The following LYPLAL1 variants were observed in gnomAD, a reference collection of about 807,000 sequenced individuals.
LYPLAL1 encodes lysophospholipase like 1.
A neutral mutation model predicts 19.7 loss-of-function variants in LYPLAL1; 23 were observed. That is an observed-to-expected ratio of 1.17 (90% CI 0.84 to 1.65). The LOEUF is 1.65. Among genes scored for constraint, LYPLAL1 ranks in the 40% most tolerant of loss-of-function variants. LYPLAL1 has a pLI of 0.00. For synonymous variants in LYPLAL1, 119 were observed against 96.3 expected (o/e 1.24, Z -1.38); for missense variants, 355 against 279.4 (o/e 1.27, Z -1.93).
At chr1:219,186,201 A>G (rs1335633713) in intron 2 of LYPLAL1, among the ~76,000 whole-genome samples, 2 of 151,710 alleles carry the variant, frequency 1.3e-5, no homozygotes, top group Admixed American at 1.3e-4. Flanking sequence ...TTATTATTAG[A>G]GAAAATATCC....
the LYPLAL1 span, among the ~76,000 whole-genome samples, chr1:219,283,704 A>C: frequency 3.9e-5 from 6 of 152,230 alleles, no homozygotes; most frequent in Non-Finnish European, 7.3e-5. Context: ...GAACCATAGA[A>C]GCATTCAAGT....
At chr1:219,350,135 G>A in the LYPLAL1 span, among the ~76,000 whole-genome samples, 23,727 of 152,132 alleles carry the variant, frequency 0.16, 2,499 homozygotes, top group African/African-American at 0.3. Context: ...TGGATAGAGT[G>A]AAGAATTTTA....
At chr1:219,384,401 T>G in the LYPLAL1 span, among the ~76,000 whole-genome samples, 23 of 152,330 alleles carry the variant, frequency 1.5e-4, no homozygotes, top group East Asian at 4.4e-3. Flanking sequence ...TCCCTCAAAC[T>G]ACATTTGAAT....
the LYPLAL1 span, among the ~76,000 whole-genome samples, chr1:219,303,167 ATAAT>A: frequency 6.6e-6 from 1 of 152,212 alleles, no homozygotes; most frequent in South Asian, 2.1e-4. Flanking sequence ...TGAAATATTA[ATAAT>A]TAATCAATCA....
At chr1:219,239,273 G>A in the LYPLAL1 span, among the ~76,000 whole-genome samples, 1 of 152,230 alleles carries the variant, frequency 6.6e-6, no homozygotes, top group Non-Finnish European at 1.5e-5. Context: ...ACAAAGCCCA[G>A]ATGTGCAGTT....
chr1:219,416,921 G>C, the LYPLAL1 span, among the ~76,000 whole-genome samples: 3 of 152,240 alleles, frequency 2.0e-5, no homozygotes, highest in East Asian at 5.8e-4. Context: ...ACCTCAATTA[G>C]CCTGGGCTTA....
chr1:219,396,923 T>G, the LYPLAL1 span, among the ~76,000 whole-genome samples: 1 of 152,352 alleles, frequency 6.6e-6, no homozygotes, highest in African/African-American at 2.4e-5. Flanking sequence ...TCTTGCTGAT[T>G]GCTCTGGCTA....
At chr1:219,180,602 T>C (rs1572154405) in intron 2 of LYPLAL1, among the ~76,000 whole-genome samples, 1 of 152,184 alleles carries the variant, frequency 6.6e-6, no homozygotes, top group African/African-American at 2.4e-5. Flanking sequence ...TCAAAAAAGC[T>C]TCTTGTTACT....
chr1:219,399,299 C>A, the LYPLAL1 span, among the ~76,000 whole-genome samples: 19 of 152,184 alleles, frequency 1.2e-4, no homozygotes, highest in African/African-American at 4.1e-4. Context: ...TGACTCAGGT[C>A]CAGGGAGGGT....
At chr1:219,196,584 C>T (rs1657620541) in intron 3 of LYPLAL1, among the ~76,000 whole-genome samples, 1 of 152,076 alleles carries the variant, frequency 6.6e-6, no homozygotes, top group Non-Finnish European at 1.5e-5. Flanking sequence ...TGAAATCCAG[C>T]TCAAGACAAA....
chr1:219,185,111 AT>A lies in LYPLAL1; in HGVS notation c.191+5870del, dbSNP rs1656622264. Among the ~76,000 whole-genome samples the A allele has an allele frequency of 5.3e-5, 8 of 151,902 alleles. No homozygotes were observed. In the South Asian group the frequency reaches 1.7e-3, roughly 32 times the overall value. The stretch of plus-strand genomic sequence containing the variant: ...ACCAGGATATTCAGATTTTATATTT[AT>A]TTTTAGGCCAGTTTTGATAATTTGT... On this transcript the variant is annotated intron_variant, in intron 2 of 4. Transcript: ENST00000366928.
chr1:219,202,545 G>A (rs192737068), intron 3 of LYPLAL1, among the ~76,000 whole-genome samples: 54 of 152,284 alleles, frequency 3.5e-4, no homozygotes, highest in African/African-American at 1.1e-3. Context: ...GTACATTTAA[G>A]TTGTTAGGTC....
At chr1:219,432,843 C>T in the LYPLAL1 span, among the ~76,000 whole-genome samples, 1 of 152,320 alleles carries the variant, frequency 6.6e-6, no homozygotes, top group South Asian at 2.1e-4. Flanking sequence ...CTGGTTACTT[C>T]AGCCCACTGC....
chr1:219,223,952 T>G, the LYPLAL1 span, among the ~76,000 whole-genome samples: 4 of 152,190 alleles, frequency 2.6e-5, no homozygotes, highest in African/African-American at 9.6e-5. Context: ...GTTTCCATTT[T>G]TTGTCTCCCT....
At chr1:219,385,490 T>G in the LYPLAL1 span, among the ~76,000 whole-genome samples, 2 of 152,090 alleles carry the variant, frequency 1.3e-5, no homozygotes, top group Non-Finnish European at 2.9e-5. Flanking sequence ...TAAAGCAGTG[T>G]TCCACTGTTA....
the LYPLAL1 span, among the ~76,000 whole-genome samples, chr1:219,238,146 CA>C: frequency 2.9e-5 from 2 of 68,508 alleles, no homozygotes; most frequent in Non-Finnish European, 5.8e-5. Context: ...TTTTTTTTGA[CA>C]GAGTCTCGCT....
At chr1:219,412,528 T>A in the LYPLAL1 span, among the ~76,000 whole-genome samples, 6 of 152,258 alleles carry the variant, frequency 3.9e-5, no homozygotes, top group Non-Finnish European at 7.3e-5. Context: ...ATGCATAGCA[T>A]GATACCTGTC....
chr1:219,352,726 CAA>C, the LYPLAL1 span, among the ~76,000 whole-genome samples: 1 of 152,098 alleles, frequency 6.6e-6, no homozygotes, highest in Non-Finnish European at 1.5e-5. Flanking sequence ...AGCCTAGAGA[CAA>C]AGTTTCCCCT....
the LYPLAL1 span, among the ~76,000 whole-genome samples, chr1:219,310,348 G>A: frequency 6.6e-6 from 1 of 152,074 alleles, no homozygotes; most frequent in Non-Finnish European, 1.5e-5. Flanking sequence ...CCCTATCTGA[G>A]GTCCCCATGG....
Sources: gnomAD v4.1 joint callset for allele counts (sites outside exome capture counted in the v4.1 genomes callset) on GRCh38, gnomAD v4.1.1 for gene constraint, MANE v1.5 for transcripts, NCBI Gene and HGNC (gene_info 2026-07-23, HGNC 2026-07-21) for gene names.